The following PSEN2 variants were observed in gnomAD, a reference collection of about 807,000 sequenced individuals.
PSEN2 encodes presenilin-2.
A neutral mutation model predicts 49.1 loss-of-function variants in PSEN2; 32 were observed. The ratio of observed to expected loss-of-function variants is 0.65; its 90% CI spans 0.49 to 0.88. The LOEUF (loss-of-function observed/expected upper bound fraction) is 0.88, where lower values mean the gene tolerates loss of function less well. PSEN2 is among the 40% of genes least tolerant of loss of function. The probability of loss-of-function intolerance (pLI) is 0.00; values close to 1 mark genes in which losing one functional copy is unlikely to be tolerated. For missense variants in PSEN2, 522 were observed against 586.9 expected (o/e 0.89, Z 1.14); for synonymous variants, 255 against 244.0 (o/e 1.05, Z -0.42).
chr1:226,889,474 A>C (rs954175392), intron 8 of PSEN2, among the ~76,000 whole-genome samples: 8 of 151,994 alleles, frequency 5.3e-5, no homozygotes, highest in Non-Finnish European at 2.9e-5. Flanking sequence ...ATGGGGTTTC[A>C]CCATGTTGGC....
intron 6 of PSEN2, among the ~76,000 whole-genome samples, chr1:226,887,806 C>T (rs1571958482): frequency 1.3e-5 from 2 of 152,144 alleles, no homozygotes; most frequent in South Asian, 4.1e-4. Flanking sequence ...AGACACCCAG[C>T]ATTACCTTTC....
chr1:226,880,664 A>G, intron 3 of PSEN2: 1 of 1,612,856 alleles, frequency 6.2e-7, no homozygotes, highest in South Asian at 1.1e-5. Flanking sequence ...AGGGACTGTC[A>G]GATTTGCCAG....
At chr1:226,884,676 G>A (rs1056175763) in intron 5 of PSEN2, 2 of 152,034 alleles carry the variant, frequency 1.3e-5, no homozygotes, top group Admixed American at 6.6e-5. Context: ...CACTTTGGGA[G>A]ACTGAGGTGA....
chr1:226,888,649 C>CTGT (rs1256237446), intron 7 of PSEN2, among the ~76,000 whole-genome samples, 180 bp from the exon 8 acceptor site: 1 of 152,220 alleles, frequency 6.6e-6, no homozygotes, highest in Non-Finnish European at 1.5e-5. Context: ...TTTCTGTGAT[C>CTGT]TGTTCCAAGC....
At chr1:226,903,091 C>T (rs1662366680) in intron 12 of PSEN2, among the ~76,000 whole-genome samples, 1 of 150,328 alleles carries the variant, frequency 6.7e-6, no homozygotes, top group Non-Finnish European at 1.5e-5. Context: ...TACTAAAACA[C>T]TGAGTTTTTT....
At position 226,895,652 on chromosome 1, in the gene PSEN2, A is replaced by C. The variant is rs550113178; in HGVS notation, c.*73A>C. ...ATGCAGTTGTATAGTTTTACACTCT[A>C]GTGCCATATATTTTTAAGACTTTTC... On this transcript the variant is annotated 3_prime_UTR_variant, in exon 13 of 13. Transcript: ENST00000366783. 2 of 1,482,612 alleles carry C rather than the reference A, an allele frequency of 1.3e-6. No homozygotes were observed. The highest frequency in any genetic ancestry group is 2.4e-5 in the East Asian group (1 of 41,062). The allele number at this position is 1,482,612 out of a possible 1,614,324, so 91.8% of individuals were successfully genotyped here. A position where few individuals can be genotyped will look rare whatever the true frequency, so the allele number is the denominator to read the frequency against.
chr1:226,889,128 G>T (rs929612193), intron 8 of PSEN2, 79 bp downstream of exon 8: 2 of 1,352,534 alleles, frequency 1.5e-6, no homozygotes, highest in African/African-American at 2.9e-5. Flanking sequence ...CACAAGGAGG[G>T]CAGGTGCTGA....
intron 9 of PSEN2, 62 bp from the exon 10 acceptor site, chr1:226,891,216 C>A: frequency 5.4e-6 from 8 of 1,472,748 alleles, no homozygotes; most frequent in Non-Finnish European, 7.5e-6. Flanking sequence ...CCACCTCCCC[C>A]AGGCCCTGCA....
chr1:226,882,921 C>T (rs954385427), intron 4 of PSEN2, among the ~76,000 whole-genome samples: 1 of 152,234 alleles, frequency 6.6e-6, no homozygotes. Context: ...ACTCTCTCTG[C>T]AGAGAACCGG....
intron 12 of PSEN2, among the ~76,000 whole-genome samples, chr1:226,895,174 A>T (rs1016676329): frequency 6.6e-6 from 1 of 152,192 alleles, no homozygotes; most frequent in African/African-American, 2.4e-5. Flanking sequence ...GGGGCACAGC[A>T]CTGCTCCAGG....
At chr1:226,900,890 G>T (rs12126925), downstream of PSEN2, among the ~76,000 whole-genome samples, 1 of 151,994 alleles carries the variant, frequency 6.6e-6, no homozygotes, top group South Asian at 2.1e-4. Flanking sequence ...TGCTAGGCTC[G>T]CACTAAATGA....
intron 3 of PSEN2, among the ~76,000 whole-genome samples, chr1:226,877,910 C>T (rs1023183981): frequency 2.6e-5 from 4 of 152,068 alleles, no homozygotes; most frequent in Admixed American, 6.5e-5. Flanking sequence ...TGGATGATGA[C>T]GACAGTGGTC....
At chr1:226,892,584 T>C (rs743602) in intron 11 of PSEN2, among the ~76,000 whole-genome samples, 128,204 of 152,142 alleles carry the variant, frequency 0.84, 54,450 homozygotes, top group African/African-American at 0.95. Context: ...TGACAGTGGC[T>C]TGGCATACAG....
rs147702142 is a variant in PSEN2, at chr1:226,889,018, G to C, written c.756G>C (p.Ala252=). 7,813 of 1,614,048 alleles carry C rather than the reference G, an allele frequency of 4.8e-3. 34 individuals are homozygous for C. The highest frequency in any genetic ancestry group is 5.0e-3 in the Non-Finnish European group (5,884 of 1,179,988). ...VFIKYLPEWS[A]WVILGAISVY... ...TCAAGTACCTCCCAGAGTGGTCCGC[G>C]TGGGTCATCCTGGGCGCCATCTCTG... Residue 252 remains alanine (A), a synonymous_variant, in exon 8 of 13, where the codon GCG becomes GCC. Coordinates refer to ENST00000366783, the MANE Select transcript of PSEN2 (RefSeq NM_000447.3).
At chr1:226,878,842 G>A (rs980037830) in intron 3 of PSEN2, among the ~76,000 whole-genome samples, 1 of 152,156 alleles carries the variant, frequency 6.6e-6, no homozygotes, top group African/African-American at 2.4e-5. Flanking sequence ...GCTGCAGATG[G>A]AATATTATGA....
At position 226,885,561 on chromosome 1, in the gene PSEN2, A is replaced by G; in HGVS notation, c.380A>G (p.Asp127Gly). Residue 127 changes from aspartate to glycine, a missense_variant, in exon 6 of 13, where the codon GAC (aspartate) becomes GGC (glycine). Physicochemically the swap from Asp to Gly is moderately conservative, Grantham distance 94. Transcript: ENST00000366783. ...GQLIYTPFTE[D>G]TPSVGQRLLN... ...AGCATCTACACGCCATTCACTGAGG[A>G]CACACCCTCGGTGGGCCAGCGCCTC... The G allele has an allele frequency of 1.9e-6, 3 of 1,613,970 alleles. No individual in the cohort carries two copies. The highest frequency in any genetic ancestry group is 2.5e-6 in the Non-Finnish European group (3 of 1,180,000).
chr1:226,899,916 A>G (rs2102703493), downstream of PSEN2, among the ~76,000 whole-genome samples: 1 of 152,336 alleles, frequency 6.6e-6, no homozygotes, highest in East Asian at 1.9e-4. Context: ...ACTTTTGCCT[A>G]TATTCAATTG....
chr1:226,884,088 A>C (rs1435878647), intron 5 of PSEN2, among the ~76,000 whole-genome samples, 169 bp downstream of exon 5: 2 of 152,164 alleles, frequency 1.3e-5, no homozygotes, highest in African/African-American at 4.8e-5. Context: ...TGCCTCCTGG[A>C]TTGTGACCTA....
chr1:226,902,045 A>T (rs1662335193), intron 12 of PSEN2, among the ~76,000 whole-genome samples: 1 of 152,086 alleles, frequency 6.6e-6, no homozygotes, highest in Admixed American at 6.6e-5. Flanking sequence ...TGTGACTTAG[A>T]GCAGTGGTCC....
Sources: gnomAD v4.1 joint callset for allele counts (sites outside exome capture counted in the v4.1 genomes callset) on GRCh38, gnomAD v4.1.1 for gene constraint, MANE v1.5 for transcripts, NCBI Gene and HGNC (gene_info 2026-07-23, HGNC 2026-07-21) for gene names.